The following MX2 variants were observed in gnomAD, a reference collection of about 807,000 sequenced individuals.
MX2 encodes interferon-induced GTP-binding protein Mx2.
In MX2, 51 loss-of-function variants were observed where a neutral mutation model predicts 74.0. The ratio of observed to expected loss-of-function variants is 0.69; its 90% CI spans 0.55 to 0.87. The LOEUF is 0.87. Ranked by LOEUF, MX2 falls within the 40% of genes least tolerant of loss-of-function variation. The pLI is 0.00. For missense variants in MX2, 832 were observed against 908.7 expected (o/e 0.92, Z 1.09); for synonymous variants, 369 against 339.3 (o/e 1.09, Z -0.96).
At chr21:41,362,750 CTTTTTTTTTTTTT>C (rs56903696) in intron 1 of MX2, among the ~76,000 whole-genome samples, 31 of 82,158 alleles carry the variant, frequency 3.8e-4, no homozygotes, top group Admixed American at 1.2e-3. Context: ...GTTTTTTTTT[CTTTTTTTTTTTTT>C]TTTTTTTTTT....
At chr21:41,406,707 A>G (rs1275876850) in intron 12 of MX2, 37 bp from the exon 13 acceptor site, 1 of 1,587,144 alleles carries the variant, frequency 6.3e-7, no homozygotes, top group Non-Finnish European at 8.6e-7. Flanking sequence ...GGAAAGAAGA[A>G]AAAGAAGTAA....
rs55725011 is a variant in MX2 at position 41,377,174 on chromosome 21, C to T, written c.249+19C>T. ...GGCAATGGTAAGCCCGGTGGAGGGA[C>T]GTTCAGAAAGGGTGCATTCTGGCTG... On this transcript the variant is annotated intron_variant, in intron 2 of 13. Coordinates refer to ENST00000330714, the MANE Select transcript of MX2 (RefSeq NM_002463.2). 1.6e-5 allele frequency: 25 copies of T among 1,612,648 alleles called. No homozygotes were observed. Among genetic ancestry groups the T allele is most frequent in the Middle Eastern group, 1.7e-4 (1 of 6,052 alleles).
In MX2 at chr21:41,380,861, TA is replaced by T. The variant is rs1292388184; in HGVS notation, c.577+713del. ...AGGCACTGGAGCCTCTCAACCTCCC[TA>T]AAGGCTTCTCCCCTATCCTGCCTGC... On this transcript the variant is annotated intron_variant, in intron 4 of 13. Transcript: ENST00000330714. The surrounding 1 kb of genome is among the most constrained non-coding windows in gnomAD (Gnocchi z 4.3). 2.0e-5 allele frequency among the ~76,000 whole-genome samples: 3 copies of T among 152,158 alleles called. No individual in the cohort carries two copies. The highest frequency in any genetic ancestry group is 2.9e-5 in the Non-Finnish European group (2 of 68,020).
rs981780706 is a variant in MX2, at chr21:41,388,715, A to G, written c.733-1850A>G. Among the ~76,000 whole-genome samples, 2 of 152,148 alleles carry G rather than the reference A, an allele frequency of 1.3e-5. 1 individual carries two copies. Among genetic ancestry groups the G allele is most frequent in the Admixed American group, 1.3e-4 (2 of 15,278 alleles). ...TTATGGTCACCCCCTCTCCAGGCAA[A>G]CTGTTCCGGGGAGCATTTTCACTCT... On this transcript the variant is annotated intron_variant, in intron 5 of 13. Coordinates refer to ENST00000330714, the MANE Select transcript of MX2 (RefSeq NM_002463.2). This position sits in a 1 kb window ranked among gnomAD's most constrained non-coding sequence, Gnocchi z 4.0.
chr21:41,395,909 C>T lies in MX2; in HGVS notation c.1070+124C>T, dbSNP rs1367187769. ...CACAAGGTAGTATAACCTAGCCTCA[C>T]CTGATTTTTGTGCTAGATTTCTTGG... is the stretch of plus-strand genomic sequence containing the variant. On this transcript the variant is annotated intron_variant, in intron 7 of 13. Coordinates refer to ENST00000330714, the MANE Select transcript of MX2 (RefSeq NM_002463.2). 7 of 910,044 alleles carry T rather than the reference C, an allele frequency of 7.7e-6. No individual in the cohort carries two copies. In the East Asian group the frequency reaches 1.3e-4, roughly 17 times the overall value. The allele number at this position is 910,044 out of a possible 1,614,324, so 56.4% of individuals were successfully genotyped here.
At chr21:41,399,383 C>A in intron 10 of MX2, 46 bp downstream of exon 10, 1 of 1,588,724 alleles carries the variant, frequency 6.3e-7, no homozygotes, top group South Asian at 1.1e-5. Context: ...GGTATTTACC[C>A]AGACCAGAGG....
At chr21:41,404,891 A>G (rs2089865114) in intron 12 of MX2, 1 of 148,674 alleles carries the variant, frequency 6.7e-6, no homozygotes, top group African/African-American at 2.5e-5. Flanking sequence ...AAAAAAAAAA[A>G]GAAAAAGAAA....
intron 5 of MX2, among the ~76,000 whole-genome samples, chr21:41,389,338 GA>G (rs929701024): frequency 6.6e-6 from 1 of 152,054 alleles, no homozygotes; most frequent in Non-Finnish European, 1.5e-5. Flanking sequence ...AAGGTAGCAA[GA>G]CCCTGTCTCT....
intron 4 of MX2, among the ~76,000 whole-genome samples, chr21:41,381,190 C>T (rs1323457367): frequency 6.6e-6 from 1 of 152,202 alleles, no homozygotes; most frequent in Non-Finnish European, 1.5e-5. Context: ...AGCAAGTTTC[C>T]TAACTTCAAA....
intron 7 of MX2, among the ~76,000 whole-genome samples, chr21:41,396,241 G>A (rs931541975): frequency 6.6e-6 from 1 of 152,178 alleles, no homozygotes; most frequent in African/African-American, 2.4e-5. Context: ...GGAACTCTCC[G>A]TGTTTTTAGA....
At position 41,377,802 on chromosome 21, in the gene MX2, A is replaced by G. The variant is rs771477941; in HGVS notation, c.263A>G (p.Asn88Ser). Residue 88 changes from asparagine (N) to serine (S), a missense_variant, in exon 3 of 14, where the codon AAC (asparagine) becomes AGC (serine). Transcript: ENST00000330714. ...TGCCTTCTCCAGGGGCCCGAGAACA[A>G]CCTGTACAGCCAGTACGAGCAGAAG... ...SQPRAMGPEN[N>S]LYSQYEQKVR... is the part of the protein sequence containing the mutation. The G allele has an allele frequency of 5.6e-6, 9 of 1,611,546 alleles. No individual in the cohort carries two copies. In the Admixed American group the frequency reaches 1.0e-4, roughly 18 times the overall value.
chr21:41,401,997 A>G lies in MX2; in HGVS notation c.1442A>G (p.Glu481Gly). ...KVKNIIHEEV[E>G]KYEKQYRGKE... is the part of the protein sequence containing the mutation. The stretch of plus-strand genomic sequence containing the variant: ...AAAAATATTATCCACGAAGAAGTTG[A>G]AAAATATGAAAAGCAGTATCGAGGC... The change falls in exon 11 of 14, where the codon GAA becomes GGA. Residue 481 changes from glutamate to glycine, a missense_variant. Physicochemically the swap from Glu to Gly is moderately conservative, Grantham distance 98. Coordinates refer to ENST00000330714, the MANE Select transcript of MX2 (RefSeq NM_002463.2). 6.2e-7 allele frequency: 1 copy of G among 1,613,526 alleles called. No homozygotes were observed. Among genetic ancestry groups the G allele is most frequent in the South Asian group, 1.1e-5 (1 of 90,912 alleles).
intron 7 of MX2, among the ~76,000 whole-genome samples, chr21:41,396,396 G>A (rs954071963): frequency 1.3e-5 from 2 of 152,202 alleles, no homozygotes; most frequent in African/African-American, 2.4e-5. Flanking sequence ...ATTGAATGGA[G>A]CACTTTTCCC....
chr21:41,373,207 A>G (rs1007215585), intron 1 of MX2, among the ~76,000 whole-genome samples: 1 of 152,216 alleles, frequency 6.6e-6, no homozygotes, highest in Admixed American at 6.5e-5. Flanking sequence ...ATGAATGTTT[A>G]CAGAGTGGAT....
intron 3 of MX2, 56 bp from the exon 4 acceptor site, chr21:41,379,961 C>T: frequency 1.2e-6 from 2 of 1,600,518 alleles, no homozygotes; most frequent in Admixed American, 1.7e-5. Flanking sequence ...GAGCGAAGGG[C>T]CCAGTGCCAC....
In MX2 at chr21:41,403,266, GAAATT is replaced by G. The variant is rs750452568; in HGVS notation, c.1575_1579del (p.Glu525AspfsTer7). On this transcript the variant is annotated frameshift_variant and splice_region_variant, in exon 12 of 14. Coordinates refer to ENST00000330714, the MANE Select transcript of MX2 (RefSeq NM_002463.2). LOFTEE classifies it high-confidence loss of function. ...TTCTCCTTTTTGCTTTTTTTGGTCA[GAAATT>G]ATCCAGCAAGCTTTCATTAACGTGG... 5.0e-6 allele frequency: 8 copies of G among 1,605,342 alleles called. No homozygotes were observed. Among genetic ancestry groups the G allele is most frequent in the Non-Finnish European group, 5.1e-6 (6 of 1,174,182 alleles).
intron 5 of MX2, among the ~76,000 whole-genome samples, chr21:41,383,889 A>G (rs1237062484): frequency 6.6e-6 from 1 of 152,144 alleles, no homozygotes; most frequent in Non-Finnish European, 1.5e-5. Context: ...GGGATTTCCT[A>G]GAGACTGCAA....
rs777847040 is a variant in MX2 at position 41,380,008 on chromosome 21, C to A, written c.443-9C>A. ...GAAACTGAGGATATTTGGGGAACCT[C>A]TCGCTCAGGAATCGTAACCAGGTGT... On this transcript the variant is annotated splice_polypyrimidine_tract_variant and intron_variant, in intron 3 of 13. Transcript: ENST00000330714. This position sits in a 1 kb window ranked among gnomAD's most constrained non-coding sequence, Gnocchi z 4.3. 1 of 1,613,686 alleles carries A rather than the reference C, an allele frequency of 6.2e-7. No individual in the cohort carries two copies. The highest frequency in any genetic ancestry group is 8.5e-7 in the Non-Finnish European group (1 of 1,179,768).
At chr21:41,365,682 T>C (rs1232166369) in intron 1 of MX2, 1 of 152,260 alleles carries the variant, frequency 6.6e-6, no homozygotes, top group East Asian at 1.9e-4. Flanking sequence ...GGTGCTGCCA[T>C]GAACATTCGT....
Sources: allele counts gnomAD v4.1 joint callset (sites outside exome capture counted in the v4.1 genomes callset), GRCh38; gene constraint gnomAD v4.1.1; non-coding constraint Gnocchi (gnomAD v3.1); transcripts MANE v1.5; gene names NCBI Gene and HGNC (gene_info 2026-07-23, HGNC 2026-07-21).